Variants in CHD9 observed in about 807,000 individuals in gnomAD.
CHD9 encodes ATP-dependent chromatin remodeler CHD9.
Under a neutral mutation model 316.1 loss-of-function variants are expected in CHD9, and 77 were observed. The ratio of observed to expected loss-of-function variants is 0.24; its 90% CI spans 0.20 to 0.29. The LOEUF is 0.29. CHD9 is among the 10% of genes least tolerant of loss of function. CHD9 has a pLI of 1.00. For missense variants in CHD9, 2,763 were observed against 3,438.1 expected, an observed-to-expected ratio of 0.80 and a Z score of 4.91; for synonymous variants, 1,129 against 1,158.3, an observed-to-expected ratio of 0.97 and a Z score of 0.51.
intron 1 of CHD9, among the ~76,000 whole-genome samples, chr16:53,116,757 A>G (rs1401378456): frequency 6.6e-6 from 1 of 152,212 alleles, no homozygotes; most frequent in African/African-American, 2.4e-5. Flanking sequence ...TCATTCTATT[A>G]TAAAGATATA....
At chr16:53,299,581 A>G in intron 30 of CHD9, 1 of 405,924 alleles carries the variant, frequency 2.5e-6, no homozygotes, top group East Asian at 6.9e-5. Context: ...TTAACCCTCC[A>G]AAAGCTGGAG....
Position 53,303,947 on chromosome 16 carries a change from C to G in CHD9, c.5941C>G (p.Arg1981Gly). ...LIGAAKHGVS[R>G]TDYHILRDPE... ...TGGTGCTGCCAAACACGGGGTGAGCCGAACAGACTATCACATTCTTCGTGA... is the reference window on the plus strand; with the variant it reads ...TGGTGCTGCCAAACACGGGGTGAGCGGAACAGACTATCACATTCTTCGTGA... Residue 1981 changes from arginine to glycine, a missense_variant, in exon 31 of 39, where the codon CGA becomes GGA. Physicochemically the swap from Arg to Gly is moderately radical, Grantham distance 125. Transcript: ENST00000447540. 1 of 1,613,936 alleles carries G rather than the reference C, an allele frequency of 6.2e-7. No homozygotes were observed. Among genetic ancestry groups the G allele is most frequent in the Non-Finnish European group, 8.5e-7 (1 of 1,179,888 alleles).
chr16:53,219,023 C>T (rs772494054), intron 3 of CHD9, among the ~76,000 whole-genome samples: 3 of 152,196 alleles, frequency 2.0e-5, no homozygotes, highest in Non-Finnish European at 4.4e-5. Context: ...CCTTAGGAGG[C>T]GGTTCGTACT....
intron 1 of CHD9, among the ~76,000 whole-genome samples, chr16:53,135,571 A>G (rs1423399077): frequency 1.3e-5 from 2 of 152,176 alleles, no homozygotes; most frequent in African/African-American, 2.4e-5. Flanking sequence ...TGGCTTGAGA[A>G]ACTAGATAGA....
At chr16:53,165,208 G>T (rs1287827782) in intron 2 of CHD9, among the ~76,000 whole-genome samples, 1 of 152,072 alleles carries the variant, frequency 6.6e-6, no homozygotes. Flanking sequence ...GGTGGAAAAT[G>T]GACTAAATTG....
At position 53,156,207 on chromosome 16, in the gene CHD9, A is replaced by G; in HGVS notation, c.118A>G (p.Asn40Asp). The change falls in exon 2 of 39, where the codon AAT (asparagine) becomes GAT (aspartate). Residue 40 changes from asparagine to aspartate, a missense_variant. Transcript: ENST00000447540. ...ACCTGTTTCACTAGTTGATGAATTG[A>G]ATTTGGGTGCAGAATTTGAACCGTT... ...PGPVSLVDEL[N>D]LGAEFEPLHI... 4.3e-6 allele frequency: 7 copies of G among 1,613,966 alleles called. No homozygotes were observed. Among genetic ancestry groups the G allele is most frequent in the Non-Finnish European group, 5.9e-6 (7 of 1,179,880 alleles).
chr16:53,225,957 A>G (rs982131565), intron 4 of CHD9, among the ~76,000 whole-genome samples: 2 of 152,104 alleles, frequency 1.3e-5, no homozygotes, highest in African/African-American at 4.8e-5. Flanking sequence ...AAGTTATGAC[A>G]TAGTTAAATA....
At chr16:53,292,730 C>T in intron 28 of CHD9, 103 bp from the exon 29 acceptor site, 23 of 826,062 alleles carry the variant, frequency 2.8e-5, no homozygotes, top group African/African-American at 7.0e-5. Context: ...TTTTTTTTTC[C>T]CCACATAGAT....
intron 33 of CHD9, 71 bp downstream of exon 33, chr16:53,308,024 C>A: frequency 7.5e-7 from 1 of 1,327,760 alleles, no homozygotes. Flanking sequence ...CTGCAAATGG[C>A]TGCCTGCTCT....
chr16:53,140,564 A>C (rs2040035891), intron 1 of CHD9, among the ~76,000 whole-genome samples: 1 of 152,156 alleles, frequency 6.6e-6, no homozygotes, highest in East Asian at 1.9e-4. Context: ...CGTTACCCTC[A>C]ATCAGTTTTT....
intron 2 of CHD9, among the ~76,000 whole-genome samples, chr16:53,179,639 G>A (rs1490889771): frequency 1.3e-5 from 2 of 152,272 alleles, no homozygotes; most frequent in Non-Finnish European, 2.9e-5. Context: ...GCTCAAGCCT[G>A]TAACCCCAGC....
rs2035777331 is a variant in CHD9 at position 53,089,763 on chromosome 16, G to T, written c.-165+34686G>T. Among the ~76,000 whole-genome samples, 3 of 152,210 alleles carry T rather than the reference G, an allele frequency of 2.0e-5. No individual in the cohort carries two copies. The South Asian group carries it at 6.2e-4, about 32-fold the overall frequency. On this transcript the variant is annotated intron_variant, in intron 1 of 38. Transcript: ENST00000447540. ...CATTCCTGAGTAAACAGTTTAGACTGATGGCAGTTGAGTATGTCAAGGACC... is the reference window on the plus strand; with the variant it reads ...CATTCCTGAGTAAACAGTTTAGACTTATGGCAGTTGAGTATGTCAAGGACC...
chr16:53,128,214 G>A (rs981715665), intron 1 of CHD9, among the ~76,000 whole-genome samples: 5 of 151,576 alleles, frequency 3.3e-5, no homozygotes, highest in Admixed American at 6.6e-5. Context: ...ACGGAGTCTC[G>A]TTCTGTCATC....
In CHD9 at chr16:53,148,731, G is replaced by T. The variant is rs149806022; in HGVS notation, c.-164-7195G>T. On this transcript the variant is annotated intron_variant, in intron 1 of 38. Transcript: ENST00000447540. ...GTTGTAGGAGTTCTTTAAAAATTCTGGATATTAAACCCTTATCAGATATAT... is the reference window on the plus strand; with the variant it reads ...GTTGTAGGAGTTCTTTAAAAATTCTTGATATTAAACCCTTATCAGATATAT... Among the ~76,000 whole-genome samples, 697 of 152,192 alleles carry T rather than the reference G, an allele frequency of 4.6e-3. 5 individuals carry two copies. The highest frequency in any genetic ancestry group is 0.015 in the African/African-American group (621 of 41,522).
rs548802958 is a variant in CHD9, at chr16:53,085,729, G to T, written c.-165+30652G>T. Among the ~76,000 whole-genome samples, 41 of 152,304 alleles carry T rather than the reference G, an allele frequency of 2.7e-4. 1 individual carries two copies. The highest frequency in any genetic ancestry group is 9.4e-4 in the African/African-American group (39 of 41,562). On this transcript the variant is annotated intron_variant, in intron 1 of 38. Transcript: ENST00000447540. ...AGTGATTTTCAAAGAGGAAGTTTCA[G>T]TCAGATAAAAGGAGCAGATGGCACT...
At chr16:53,070,532 C>CCTTCCTTCCT (rs1367427732) in intron 1 of CHD9, among the ~76,000 whole-genome samples, 10 of 20,480 alleles carry the variant, frequency 4.9e-4, no homozygotes, top group Non-Finnish European at 1.3e-4. Context: ...TTCCTTCCTT[C>CCTTCCTTCCT]CTCTCTCTCT....
chr16:53,070,489 T>TTCCTTCCTTCCTTCCTTCCTTCC (rs1567306287), intron 1 of CHD9, among the ~76,000 whole-genome samples: 29 of 144,764 alleles, frequency 2.0e-4, no homozygotes, highest in African/African-American at 7.7e-4. Context: ...TCTTTCTTTC[T>TTCCTTCCTTCCTTCCTTCCTTCC]TTCCTTCCTT....
intron 1 of CHD9, among the ~76,000 whole-genome samples, chr16:53,087,371 GC>G (rs1329277627): frequency 2.6e-5 from 4 of 152,092 alleles, no homozygotes; most frequent in Non-Finnish European, 4.4e-5. Flanking sequence ...TCCTCTCCTG[GC>G]AGATGCTCTA....
intron 1 of CHD9, among the ~76,000 whole-genome samples, chr16:53,147,337 T>A: frequency 6.6e-6 from 1 of 152,176 alleles, no homozygotes; most frequent in East Asian, 1.9e-4. Flanking sequence ...ATTCCTGACT[T>A]TCAAGATTGT....
Sources: allele counts gnomAD v4.1 joint callset (sites outside exome capture counted in the v4.1 genomes callset), GRCh38; gene constraint gnomAD v4.1.1; transcripts MANE v1.5; gene names NCBI Gene and HGNC (gene_info 2026-07-23, HGNC 2026-07-21).